Variants in G3BP2 observed in about 807,000 individuals in gnomAD.
G3BP2 encodes the protein ras GTPase-activating protein-binding protein 2.
G3BP2 carries 11 observed loss-of-function variants against 56.7 expected under a neutral mutation model. That is an observed-to-expected ratio of 0.19 (90% CI 0.12 to 0.32). The LOEUF is 0.32. G3BP2 is among the 10% of genes least tolerant of loss of function. The pLI is 1.00. For synonymous variants in G3BP2, 165 were observed against 191.6 expected (o/e 0.86, Z 1.15); for missense variants, 340 against 610.9 (o/e 0.56, Z 4.67).
intron 2 of G3BP2, among the ~76,000 whole-genome samples, chr4:75,722,097 C>T (rs1162109740): frequency 3.3e-5 from 5 of 152,060 alleles, no homozygotes; most frequent in Admixed American, 2.6e-4. Context: ...TTTTCTCCCT[C>T]TACAAAATCA....
intron 11 of G3BP2, among the ~76,000 whole-genome samples, 195 bp from the exon 12 acceptor site, chr4:75,645,897 A>T (rs200759292): frequency 1.4e-4 from 21 of 152,002 alleles, no homozygotes; most frequent in Non-Finnish European, 1.2e-4. Context: ...TGCAGCCTTG[A>T]CATCCTGGGC....
At chr4:75,709,472 T>G (rs1484197149) in intron 3 of G3BP2, among the ~76,000 whole-genome samples, 2 of 140,944 alleles carry the variant, frequency 1.4e-5, no homozygotes, top group Non-Finnish European at 3.0e-5. Flanking sequence ...ACCAGCCAGG[T>G]GTAGTAGCAC....
chr4:75,659,515 T>C (rs1262280204), intron 2 of G3BP2, among the ~76,000 whole-genome samples: 3 of 152,250 alleles, frequency 2.0e-5, no homozygotes, highest in Middle Eastern at 3.2e-3. Context: ...TAGTCTTTTA[T>C]TGGCATTATC....
chr4:75,676,975 G>C (rs185696297), upstream of G3BP2, among the ~76,000 whole-genome samples: 1 of 152,070 alleles, frequency 6.6e-6, no homozygotes, highest in East Asian at 1.9e-4. Flanking sequence ...CCACCCCAAG[G>C]CCTTTAATGT....
At chr4:75,698,895 T>C (rs1210233385) in intron 3 of G3BP2, among the ~76,000 whole-genome samples, 1 of 152,088 alleles carries the variant, frequency 6.6e-6, no homozygotes, top group Non-Finnish European at 1.5e-5. Flanking sequence ...GGGGTCTCAC[T>C]ATGTTGCCCA....
chr4:75,649,810 G>A (rs539947162), intron 8 of G3BP2, among the ~76,000 whole-genome samples: 1 of 152,246 alleles, frequency 6.6e-6, no homozygotes, highest in South Asian at 2.1e-4. Context: ...AGGAGTTTGA[G>A]ACCAGCCTGC....
At position 75,722,416 on chromosome 4, in the gene G3BP2, C is replaced by T. The variant is rs114716340; in HGVS notation, c.-165-172G>A. Among the ~76,000 whole-genome samples the T allele has an allele frequency of 1.4e-3, 213 of 152,252 alleles. 1 individual carries two copies. Among genetic ancestry groups the T allele is most frequent in the African/African-American group, 5.0e-3 (207 of 41,546 alleles). On this transcript the variant is annotated intron_variant, in intron 1 of 3. Coordinates refer to the G3BP2 transcript ENST00000499709. Reference sequence around the variant, plus strand: ...TGACAAGGCTGGTGCCTTTAAACAACTTTGCTAAAATGTCAAGGCACTCTT... The same window carrying T: ...TGACAAGGCTGGTGCCTTTAAACAATTTTGCTAAAATGTCAAGGCACTCTT...
At chr4:75,720,267 C>T (rs1318951406) in intron 3 of G3BP2, among the ~76,000 whole-genome samples, 1 of 150,378 alleles carries the variant, frequency 6.6e-6, no homozygotes, top group African/African-American at 2.4e-5. Flanking sequence ...GTAATCCCAG[C>T]ACTCTGGGAG....
At chr4:75,708,846 C>G (rs936038874) in intron 3 of G3BP2, among the ~76,000 whole-genome samples, 8 of 152,170 alleles carry the variant, frequency 5.3e-5, no homozygotes, top group Admixed American at 4.6e-4. Context: ...CACAGTGGCT[C>G]ATGCCTGTAA....
intron 3 of G3BP2, among the ~76,000 whole-genome samples, chr4:75,710,412 T>C (rs765305798): frequency 1.3e-5 from 2 of 152,220 alleles, no homozygotes; most frequent in Non-Finnish European, 2.9e-5. Context: ...ATCTATTGGT[T>C]ACTTTTCCAC....
rs906067970 is a variant in G3BP2, at chr4:75,643,036, A to G, written c.*2394T>C. 3 of 152,650 alleles carry G rather than the reference A, an allele frequency of 2.0e-5. No individual in the cohort carries two copies. Among genetic ancestry groups the G allele is most frequent in the Middle Eastern group, 3.4e-3 (1 of 294 alleles). 9.5% of individuals were successfully genotyped at this position (152,650 alleles called of 1,614,324 possible). A position where few individuals can be genotyped will look rare whatever the true frequency, so the allele number is the denominator to read the frequency against. On this transcript the variant is annotated 3_prime_UTR_variant, in exon 12 of 12. Coordinates refer to ENST00000359707, the MANE Select transcript of G3BP2 (RefSeq NM_203505.3). ...TCAAAAAATAAAACAAAATCAGCAA[A>G]TAACAGTAATGGTAGATGAATATTT...
chr4:75,652,655 A>G (rs11097050), intron 8 of G3BP2, among the ~76,000 whole-genome samples: 47,178 of 151,996 alleles, frequency 0.31, 8,745 homozygotes, highest in East Asian at 0.77. Context: ...CGTTTACATG[A>G]GCCACATATG....
chr4:75,658,458 C>A (rs373211993), intron 3 of G3BP2, among the ~76,000 whole-genome samples: 1 of 150,418 alleles, frequency 6.6e-6, no homozygotes, highest in East Asian at 1.9e-4. Flanking sequence ...CGGCCGGGCG[C>A]GGTGGCTCAC....
At chr4:75,711,562 A>T (rs534183928) in intron 3 of G3BP2, among the ~76,000 whole-genome samples, 103 of 151,816 alleles carry the variant, frequency 6.8e-4, no homozygotes, top group African/African-American at 2.5e-3. Context: ...AAAATACAAA[A>T]ATTAGCTGGG....
intron 8 of G3BP2, among the ~76,000 whole-genome samples, chr4:75,650,403 G>A (rs1456802118): frequency 9.4e-6 from 1 of 106,428 alleles, no homozygotes; most frequent in Non-Finnish European, 1.8e-5. Context: ...TCCAGCCTGG[G>A]CAACAAGAGA....
intron 2 of G3BP2, 73 bp from the exon 3 acceptor site, chr4:75,658,997 G>A (rs1732334915): frequency 5.2e-6 from 6 of 1,158,958 alleles, no homozygotes; most frequent in Non-Finnish European, 7.8e-6. Context: ...TGGTGTCATA[G>A]ACTAGGTTCC....
At chr4:75,681,453 C>A (rs976063478) in intron 3 of G3BP2, among the ~76,000 whole-genome samples, 24 of 152,216 alleles carry the variant, frequency 1.6e-4, no homozygotes, top group Non-Finnish European at 3.4e-4. Flanking sequence ...CAGACAATAC[C>A]AAACCCTATA....
intron 11 of G3BP2, among the ~76,000 whole-genome samples, chr4:75,646,016 A>G (rs1200672535): frequency 6.6e-6 from 1 of 152,106 alleles, no homozygotes; most frequent in Non-Finnish European, 1.5e-5. Context: ...ACTGTTGCCC[A>G]GGCTGGTCTT....
chr4:75,680,171 A>G (rs1160604615), intron 3 of G3BP2, among the ~76,000 whole-genome samples: 1 of 152,202 alleles, frequency 6.6e-6, no homozygotes, highest in African/African-American at 2.4e-5. Context: ...ATGTCTTTGG[A>G]TGGCATATCC....
Sources: allele counts gnomAD v4.1 joint callset (sites outside exome capture counted in the v4.1 genomes callset), GRCh38; gene constraint gnomAD v4.1.1; transcripts MANE v1.5; gene names NCBI Gene and HGNC (gene_info 2026-07-23, HGNC 2026-07-21).